The following BEAN1 variants were observed in gnomAD, a reference collection of about 807,000 sequenced individuals.
The protein encoded by BEAN1 is brain expressed associated with NEDD4 1, also known as protein BEAN1.
In BEAN1, 17 loss-of-function variants were observed where a neutral mutation model predicts 17.7. That is an observed-to-expected ratio of 0.96 (90% confidence interval 0.66 to 1.44). BEAN1 has a LOEUF of 1.44. Ranked by LOEUF, BEAN1 falls within the 40% of genes most tolerant of loss-of-function variation. The probability of loss-of-function intolerance (pLI) is 0.00; values close to 1 mark genes in which losing one functional copy is unlikely to be tolerated. For synonymous variants in BEAN1, 142 were observed against 151.8 expected, an observed-to-expected ratio of 0.94 and a Z score of 0.47; for missense variants, 359 against 374.1, an observed-to-expected ratio of 0.96 and a Z score of 0.33.
Position 66,462,799 on chromosome 16 carries a change from C to CA in BEAN1, c.26-6791dup, listed in dbSNP as rs997784344. 2.5e-3 allele frequency among the ~76,000 whole-genome samples: 339 copies of CA among 136,544 alleles called. 1 individual carries two copies. Among genetic ancestry groups the CA allele is most frequent in the Admixed American group, 2.9e-3 (40 of 13,734 alleles). 89.6% of individuals were successfully genotyped at this position (136,544 alleles called of 152,430 possible). A position where few individuals can be genotyped will look rare whatever the true frequency, so the allele number is the denominator to read the frequency against. On this transcript the variant is annotated intron_variant, in intron 2 of 4. Coordinates refer to ENST00000536005, the MANE Select transcript of BEAN1 (RefSeq NM_001178020.3). ...CTAGGCAACAAAAGCAAAACTGTCT[C>CA]AAAAAAAAAAAAGTCAGGACAGATG...
At chr16:66,458,998 G>A (rs944522943) in intron 2 of BEAN1, among the ~76,000 whole-genome samples, 2 of 152,234 alleles carry the variant, frequency 1.3e-5, no homozygotes, top group Non-Finnish European at 2.9e-5. Flanking sequence ...TACCACGGCT[G>A]TCTCTGAAGG....
intron 2 of BEAN1, among the ~76,000 whole-genome samples, chr16:66,464,980 A>T (rs1963213289): frequency 6.6e-6 from 1 of 152,226 alleles, no homozygotes; most frequent in African/African-American, 2.4e-5. Context: ...GACCCTGATC[A>T]TAGGGAGAAG....
In BEAN1 at chr16:66,478,364, G is replaced by A. The variant is rs1216847399; in HGVS notation, c.440+654G>A. Among the ~76,000 whole-genome samples the A allele has an allele frequency of 2.0e-5, 3 of 152,324 alleles. No individual in the cohort carries two copies. In the East Asian group the frequency reaches 5.8e-4, roughly 29 times the overall value. ...CACGCCTGTAATCCCAGCACTTTGG[G>A]AGGCTGAGGTGGGGGATCACGAGGT... On this transcript the variant is annotated intron_variant, in intron 4 of 4. Coordinates refer to ENST00000536005, the MANE Select transcript of BEAN1 (RefSeq NM_001178020.3).
chr16:66,477,603 C>CTATG lies in BEAN1; in HGVS notation c.334_337dup (p.Ala113ValfsTer18). 1 of 1,550,806 alleles carries CTATG rather than the reference C, an allele frequency of 6.4e-7. No individual in the cohort carries two copies. Among genetic ancestry groups the CTATG allele is most frequent in the Non-Finnish European group, 8.7e-7 (1 of 1,146,694 alleles). On this transcript the variant is annotated frameshift_variant, in exon 4 of 5. Transcript: ENST00000536005. LOFTEE classifies it high-confidence loss of function. Reference sequence around the variant, plus strand: ...ACAGCCGCTCAAGCCGCAGGATGCGCTATGCCTGCAGCTCCTCAGAGGACT... The same window carrying CTATG: ...ACAGCCGCTCAAGCCGCAGGATGCGCTATGTATGCCTGCAGCTCCTCAGAGGACT...
rs556181524 is a variant in BEAN1 at position 66,470,053 on chromosome 16, C to T, written c.289+188C>T. The T allele has an allele frequency of 1.1e-4, 88 of 770,044 alleles. No homozygotes were observed. In the Admixed American group the frequency reaches 1.9e-3, roughly 17 times the overall value. The allele number at this position is 770,044 out of a possible 1,614,324, so 47.7% of individuals were successfully genotyped here. ...AATGTTCTCGGTGACATGAGAGGCCCGGATGACTGCTAAGAGAGAAACTCA... is the reference window on the plus strand; with the variant it reads ...AATGTTCTCGGTGACATGAGAGGCCTGGATGACTGCTAAGAGAGAAACTCA... On this transcript the variant is annotated intron_variant, in intron 3 of 4. Transcript: ENST00000536005.
At chr16:66,469,554 TG>T (rs778336460) in intron 2 of BEAN1, 47 bp from the exon 3 acceptor site, 1 of 1,487,450 alleles carries the variant, frequency 6.7e-7, no homozygotes, top group South Asian at 1.3e-5. Flanking sequence ...AAGGAAGGGG[TG>T]TGGCAGGCCT....
At chr16:66,469,944 A>T in intron 3 of BEAN1, 79 bp downstream of exon 3, 1 of 1,483,776 alleles carries the variant, frequency 6.7e-7, no homozygotes, top group Non-Finnish European at 9.0e-7. Flanking sequence ...GGAGTTGGCA[A>T]CTCTGCCCTG....
chr16:66,492,581 A>C (rs1683800040), intron 4 of BEAN1, among the ~76,000 whole-genome samples: 1 of 151,788 alleles, frequency 6.6e-6, no homozygotes, highest in Non-Finnish European at 1.5e-5. Flanking sequence ...CTGGGATTAC[A>C]GGCGCCTGCC....
Position 66,481,872 on chromosome 16 carries a change from G to A in BEAN1, c.*947G>A, listed in dbSNP as rs1340025650. ...GACCACTGTGGCCTGCACGCGAATGGGTCAGAGCCAGACCCCGGAGCTGGT... is the reference window on the plus strand; with the variant it reads ...GACCACTGTGGCCTGCACGCGAATGAGTCAGAGCCAGACCCCGGAGCTGGT... On this transcript the variant is annotated 3_prime_UTR_variant, in exon 5 of 5. Coordinates refer to ENST00000536005, the MANE Select transcript of BEAN1 (RefSeq NM_001178020.3). This position sits in a 1 kb window ranked among gnomAD's most constrained non-coding sequence, Gnocchi z 4.1. 1 of 152,508 alleles carries A rather than the reference G, an allele frequency of 6.6e-6. No homozygotes were observed. Among genetic ancestry groups the A allele is most frequent in the African/African-American group, 2.4e-5 (1 of 41,452 alleles). 9.4% of individuals were successfully genotyped at this position (152,508 alleles called of 1,614,324 possible). A position where few individuals can be genotyped will look rare whatever the true frequency, so the allele number is the denominator to read the frequency against.
intron 1 of BEAN1, among the ~76,000 whole-genome samples, chr16:66,435,412 AGCCACAGCTGGAG>A: frequency 6.6e-6 from 1 of 152,338 alleles, no homozygotes; most frequent in East Asian, 1.9e-4. Flanking sequence ...GGTGAATGTG[AGCCACAGCTGGAG>A]GCCCCAGTGC....
chr16:66,489,266 G>A (rs779119545), intron 4 of BEAN1, among the ~76,000 whole-genome samples: 6 of 152,068 alleles, frequency 3.9e-5, no homozygotes, highest in Non-Finnish European at 4.4e-5. Context: ...AATAGGAAAC[G>A]AATACACTTG....
chr16:66,470,773 T>C (rs1329261810), intron 3 of BEAN1, among the ~76,000 whole-genome samples: 1 of 152,188 alleles, frequency 6.6e-6, no homozygotes, highest in Non-Finnish European at 1.5e-5. Flanking sequence ...ACTGTGTCAC[T>C]CCTGGAAGGG....
At chr16:66,428,656 A>G in intron 1 of BEAN1, among the ~76,000 whole-genome samples, 1 of 152,132 alleles carries the variant, frequency 6.6e-6, no homozygotes, top group East Asian at 1.9e-4. Context: ...TGGGAGGATT[A>G]AATGAGATGA....
intron 1 of BEAN1, among the ~76,000 whole-genome samples, chr16:66,432,630 G>A (rs1405750876): frequency 6.6e-6 from 1 of 152,206 alleles, no homozygotes; most frequent in Non-Finnish European, 1.5e-5. Context: ...GTGATTGTCT[G>A]AGCTATCAAG....
chr16:66,490,218 T>TAAA lies in BEAN1; in HGVS notation c.148-2717_148-2715dup, dbSNP rs774079713. Among the ~76,000 whole-genome samples the TAAA allele has an allele frequency of 1.2e-3, 52 of 43,634 alleles. 1 individual carries two copies. Among genetic ancestry groups the TAAA allele is most frequent in the East Asian group, 2.7e-3 (4 of 1,474 alleles). The allele number at this position is 43,634 out of a possible 152,430, so 28.6% of individuals were successfully genotyped here. A position where few individuals can be genotyped will look rare whatever the true frequency, so the allele number is the denominator to read the frequency against. On this transcript the variant is annotated intron_variant, in intron 4 of 4. Coordinates refer to the BEAN1 transcript ENST00000561796. Reference sequence around the variant, plus strand: ...CAACATGGTGAAATCCCATCTCTACTAAAAAAAAAAAAAAAAAAAAAAAAA... The same window carrying TAAA: ...CAACATGGTGAAATCCCATCTCTACTAAAAAAAAAAAAAAAAAAAAAAAAAAAA...
chr16:66,454,238 A>G (rs1962784695), intron 2 of BEAN1, among the ~76,000 whole-genome samples: 1 of 152,178 alleles, frequency 6.6e-6, no homozygotes, highest in African/African-American at 2.4e-5. Context: ...GAAGGCTTCT[A>G]TGAATGTCAC....
At position 66,480,828 on chromosome 16, in the gene BEAN1, T is replaced by G; in HGVS notation, c.683T>G (p.Leu228Arg). The G allele has an allele frequency of 6.5e-7, 1 of 1,534,292 alleles. No individual in the cohort carries two copies. The highest frequency in any genetic ancestry group is 8.8e-7 in the Non-Finnish European group (1 of 1,136,680). ...AVCGAGPPSG[L>R]LPLPGPDPGP... ...TGCGGGGCTGGCCCCCCATCAGGCC[T>G]GCTGCCACTGCCGGGCCCAGACCCA... is the stretch of plus-strand genomic sequence containing the variant. Residue 228 changes from leucine to arginine, a missense_variant, in exon 5 of 5, where the codon CTG (leucine) becomes CGG (arginine). Transcript: ENST00000536005.
chr16:66,468,234 T>C (rs550745195), intron 2 of BEAN1, among the ~76,000 whole-genome samples: 226 of 152,318 alleles, frequency 1.5e-3, no homozygotes, highest in African/African-American at 5.2e-3. Flanking sequence ...TAGGAAACTT[T>C]GGAGTGCCTA....
intron 2 of BEAN1, among the ~76,000 whole-genome samples, chr16:66,463,077 G>A (rs778064344): frequency 7.9e-5 from 12 of 152,122 alleles, no homozygotes; most frequent in Admixed American, 2.6e-4. Flanking sequence ...TGTACTTTGC[G>A]GGACTACCAT....
Sources: allele counts gnomAD v4.1 joint callset (sites outside exome capture counted in the v4.1 genomes callset), GRCh38; gene constraint gnomAD v4.1.1; non-coding constraint Gnocchi (gnomAD v3.1); transcripts MANE v1.5; gene names NCBI Gene and HGNC (gene_info 2026-07-23, HGNC 2026-07-21).